The following OPCML variants were observed in gnomAD, a reference collection of about 807,000 sequenced individuals.
OPCML encodes the protein opioid-binding protein/cell adhesion molecule.
OPCML carries 13 observed loss-of-function variants against 37.8 expected under a neutral mutation model. The observed-to-expected ratio is 0.34, with a 90% CI of 0.22 to 0.55. The LOEUF is 0.55. OPCML is among the 20% of genes least tolerant of loss of function. OPCML has a pLI of 0.91. For synonymous variants in OPCML, 176 were observed against 168.8 expected (o/e 1.04, Z -0.33); for missense variants, 341 against 435.6 (o/e 0.78, Z 1.93).
At chr11:132,444,627 A>C (rs555873471) in intron 4 of OPCML, among the ~76,000 whole-genome samples, 13 of 152,168 alleles carry the variant, frequency 8.5e-5, no homozygotes, top group Non-Finnish European at 1.8e-4. Flanking sequence ...CCTGATGGCT[A>C]GGTTTGAAAA....
chr11:132,567,444 G>C (rs1004172145), intron 3 of OPCML, among the ~76,000 whole-genome samples: 1 of 152,116 alleles, frequency 6.6e-6, no homozygotes, highest in Admixed American at 6.5e-5. Context: ...CAGGGGATCC[G>C]GGAGAGAGGT....
intron 1 of OPCML, among the ~76,000 whole-genome samples, chr11:133,256,387 T>A (rs1383275132): frequency 6.6e-6 from 1 of 152,254 alleles, no homozygotes; most frequent in Non-Finnish European, 1.5e-5. Flanking sequence ...TCTATGTAAC[T>A]AATGCACTTA....
intron 1 of OPCML, among the ~76,000 whole-genome samples, chr11:133,308,994 G>A (rs924501838): frequency 6.6e-6 from 1 of 152,184 alleles, no homozygotes. Flanking sequence ...AAATGGAGGA[G>A]TAGACCATTC....
intron 1 of OPCML, chr11:133,421,865 T>C: frequency 4.4e-6 from 3 of 679,516 alleles, no homozygotes; most frequent in Non-Finnish European, 5.4e-6. Context: ...TCGGAATTCC[T>C]GACCCACAGA....
In OPCML at chr11:133,212,709, CTG is replaced by C. The variant is rs1324237049; in HGVS notation, c.62-269701_62-269700del. Among the ~76,000 whole-genome samples the C allele has an allele frequency of 6.6e-6, 1 of 152,198 alleles. No individual in the cohort carries two copies. The highest frequency in any genetic ancestry group is 1.5e-5 in the Non-Finnish European group (1 of 68,036). Reference sequence around the variant, plus strand: ...ACAGAGGCTCCATGATTATATGGCTCTGTGTCTATTATCCATTCGCTTAGAAT... The same window carrying C: ...ACAGAGGCTCCATGATTATATGGCTCTGTCTATTATCCATTCGCTTAGAAT... On this transcript the variant is annotated intron_variant, in intron 1 of 7. Coordinates refer to ENST00000524381, the MANE Select transcript of OPCML (RefSeq NM_001012393.5). This position sits in a 1 kb window ranked among gnomAD's most constrained non-coding sequence, Gnocchi z 4.9.
intron 1 of OPCML, among the ~76,000 whole-genome samples, chr11:133,060,840 C>G (rs569462390): frequency 6.9e-4 from 105 of 152,348 alleles, no homozygotes; most frequent in African/African-American, 2.5e-3. Context: ...CTCACCAAAC[C>G]CTACGTGGGC....
chr11:133,287,277 T>C (rs1418261458), intron 1 of OPCML, among the ~76,000 whole-genome samples: 1 of 137,234 alleles, frequency 7.3e-6, no homozygotes, highest in African/African-American at 2.8e-5. Context: ...CTTTCTTTCT[T>C]TTTTTTTTTT....
intron 1 of OPCML, among the ~76,000 whole-genome samples, chr11:133,376,125 G>A (rs1294313998): frequency 6.6e-6 from 1 of 152,160 alleles, no homozygotes; most frequent in Non-Finnish European, 1.5e-5. Context: ...GATTGTACTG[G>A]AGGGCAGATA....
chr11:133,394,179 CAT>C (rs1171971013), intron 1 of OPCML, among the ~76,000 whole-genome samples: 2 of 152,202 alleles, frequency 1.3e-5, no homozygotes, highest in Non-Finnish European at 2.9e-5. Context: ...CTCGCAGGCT[CAT>C]AAACTCAGAG....
At chr11:133,146,984 C>T (rs1949906909) in intron 1 of OPCML, among the ~76,000 whole-genome samples, 1 of 152,204 alleles carries the variant, frequency 6.6e-6, no homozygotes, top group African/African-American at 2.4e-5. Flanking sequence ...TGCAAGCTTC[C>T]CCTCTGCAGG....
intron 1 of OPCML, among the ~76,000 whole-genome samples, chr11:133,276,340 C>G (rs1229481441): frequency 6.6e-6 from 1 of 152,024 alleles, no homozygotes; most frequent in Non-Finnish European, 1.5e-5. Flanking sequence ...GAGCCAAGAG[C>G]AAGGGAGAAA....
chr11:133,250,535 GGGAAGGAA>G (rs141343748), intron 1 of OPCML, among the ~76,000 whole-genome samples: 36,954 of 128,554 alleles, frequency 0.29, 5,940 homozygotes, highest in East Asian at 0.81. Context: ...GAGGGAGGGA[GGGAAGGAA>G]GGAAGGAAGG....
intron 2 of OPCML, among the ~76,000 whole-genome samples, chr11:132,909,327 G>T (rs1169092063): frequency 1.3e-5 from 2 of 152,248 alleles, no homozygotes; most frequent in Admixed American, 6.5e-5. Context: ...ATACTTGGAT[G>T]TGTTCTTTGG....
intron 1 of OPCML, among the ~76,000 whole-genome samples, chr11:133,137,907 T>C (rs1242903550): frequency 6.6e-6 from 1 of 152,196 alleles, no homozygotes; most frequent in Non-Finnish European, 1.5e-5. Context: ...GCAAATTACA[T>C]GCACCAAGAA....
chr11:132,892,348 G>A (rs1208546405), intron 2 of OPCML, among the ~76,000 whole-genome samples: 1 of 152,192 alleles, frequency 6.6e-6, no homozygotes, highest in Non-Finnish European at 1.5e-5. Flanking sequence ...GAGAAGAAAA[G>A]GAGAGCTATT....
chr11:132,688,794 C>T (rs1276741254), intron 2 of OPCML, among the ~76,000 whole-genome samples: 1 of 44,894 alleles, frequency 2.2e-5, no homozygotes, highest in Non-Finnish European at 4.5e-5. Context: ...AAAAAAAATA[C>T]AAAAAATTAG....
At chr11:132,485,206 A>G (rs1306792699) in intron 4 of OPCML, among the ~76,000 whole-genome samples, 1 of 152,162 alleles carries the variant, frequency 6.6e-6, no homozygotes, top group East Asian at 1.9e-4. Flanking sequence ...GAAAGGGAAC[A>G]CTGTCCCCCG....
chr11:133,272,681 A>T (rs1359393516), intron 1 of OPCML, among the ~76,000 whole-genome samples: 1 of 152,226 alleles, frequency 6.6e-6, no homozygotes, highest in African/African-American at 2.4e-5. Context: ...GCAGGCCTGC[A>T]CATGCACCAT....
chr11:132,514,646 T>G (rs1407400486), intron 4 of OPCML, among the ~76,000 whole-genome samples: 2 of 152,132 alleles, frequency 1.3e-5, no homozygotes, highest in Non-Finnish European at 2.9e-5. Flanking sequence ...AAAATATGAC[T>G]CAATATTTTT....
Sources: allele counts gnomAD v4.1 joint callset (sites outside exome capture counted in the v4.1 genomes callset), GRCh38; gene constraint gnomAD v4.1.1; non-coding constraint Gnocchi (gnomAD v3.1); transcripts MANE v1.5; gene names NCBI Gene and HGNC (gene_info 2026-07-23, HGNC 2026-07-21).